Variants in RPH3AL observed in about 807,000 individuals in gnomAD.
The protein encoded by RPH3AL is rab effector Noc2.
RPH3AL carries 38 observed loss-of-function variants against 43.1 expected under a neutral mutation model. The observed-to-expected ratio is 0.88, with a 90% CI of 0.68 to 1.15. The LOEUF (loss-of-function observed/expected upper bound fraction) is 1.15. Among genes scored for constraint, RPH3AL ranks in the 50% most tolerant of loss-of-function variants. The pLI is 0.00. For missense variants in RPH3AL, 462 were observed against 423.2 expected, an observed-to-expected ratio of 1.09 and a Z score of -0.81; for synonymous variants, 189 against 176.3, an observed-to-expected ratio of 1.07 and a Z score of -0.57.
chr17:232,936 CCTGGGA>C (rs142423464), intron 7 of RPH3AL, among the ~76,000 whole-genome samples: 1,971 of 149,156 alleles, frequency 0.013, 32 homozygotes, highest in Middle Eastern at 0.039. Flanking sequence ...CTTCCAGCTC[CCTGGGA>C]CTACAGAATC....
chr17:338,313 T>C (rs1357662530), intron 1 of RPH3AL, among the ~76,000 whole-genome samples: 1 of 151,738 alleles, frequency 6.6e-6, no homozygotes, highest in Non-Finnish European at 1.5e-5. Context: ...AATTTAAAAC[T>C]TAGCTGGGCA....
rs1408127784 is a variant in RPH3AL, at chr17:323,986, C to T, written c.78-2571G>A. On this transcript the variant is annotated intron_variant, in intron 3 of 9. Coordinates refer to ENST00000331302, the MANE Select transcript of RPH3AL (RefSeq NM_006987.4). This position sits in a 1 kb window ranked among gnomAD's most constrained non-coding sequence, Gnocchi z 4.4. The stretch of plus-strand genomic sequence containing the variant: ...CCTCACAGTCATCCCACAAGGCAGG[C>T]CTAGACCCTCAGTCACCCTGCAAGG... Among the ~76,000 whole-genome samples the T allele has an allele frequency of 6.6e-6, 1 of 151,068 alleles. No individual in the cohort carries two copies. Among genetic ancestry groups the T allele is most frequent in the Non-Finnish European group, 1.5e-5 (1 of 67,744 alleles).
At chr17:291,773 A>C (rs1181459657) in intron 5 of RPH3AL, among the ~76,000 whole-genome samples, 1 of 152,182 alleles carries the variant, frequency 6.6e-6, no homozygotes, top group Non-Finnish European at 1.5e-5. Context: ...GGCAATATTC[A>C]CCATAAGCTG....
intron 5 of RPH3AL, among the ~76,000 whole-genome samples, chr17:300,262 CCCG>C (rs2043294920): frequency 1.1e-5 from 1 of 93,612 alleles, no homozygotes; most frequent in Admixed American, 1.0e-4. Context: ...GAATCTCTTA[CCCG>C]CTCTAGCAGG....
chr17:299,409 G>A (rs2043265458), intron 5 of RPH3AL, among the ~76,000 whole-genome samples: 1 of 152,168 alleles, frequency 6.6e-6, no homozygotes, highest in Admixed American at 6.5e-5. Flanking sequence ...GAAGGAGAGG[G>A]CTAAAGGGGC....
chr17:226,837 C>T lies in RPH3AL; in HGVS notation c.614-7101G>A, dbSNP rs116929357. On this transcript the variant is annotated intron_variant, in intron 7 of 9. Coordinates refer to ENST00000331302, the MANE Select transcript of RPH3AL (RefSeq NM_006987.4). The stretch of plus-strand genomic sequence containing the variant: ...AGATTTCAGACTCATACATCTGGCC[C>T]TTGCTCTTCCATCCTCAACATAACA... 1.5e-3 allele frequency among the ~76,000 whole-genome samples: 222 copies of T among 152,374 alleles called. 1 individual carries two copies. Among genetic ancestry groups the T allele is most frequent in the Non-Finnish European group, 1.7e-3 (117 of 68,034 alleles).
At chr17:316,609 A>C (rs1440819297) in intron 5 of RPH3AL, among the ~76,000 whole-genome samples, 1 of 101,008 alleles carries the variant, frequency 9.9e-6, no homozygotes, top group African/African-American at 4.5e-5. Context: ...CTCCACTTCC[A>C]TTGACTTGTA....
At chr17:325,347 T>C (rs1344075235) in intron 3 of RPH3AL, among the ~76,000 whole-genome samples, 1 of 152,164 alleles carries the variant, frequency 6.6e-6, no homozygotes, top group Non-Finnish European at 1.5e-5. Context: ...CATGAGTCTC[T>C]GGAGGACCAG....
At chr17:315,645 G>T in intron 5 of RPH3AL, among the ~76,000 whole-genome samples, 1 of 150,308 alleles carries the variant, frequency 6.7e-6, no homozygotes, top group African/African-American at 2.5e-5. Flanking sequence ...CTGACCTGTA[G>T]TCCCTGTGCT....
intron 8 of RPH3AL, among the ~76,000 whole-genome samples, chr17:218,210 A>G (rs11656394): frequency 2.7e-5 from 3 of 112,108 alleles, no homozygotes; most frequent in African/African-American, 3.3e-5. Flanking sequence ...AATTGGCCTC[A>G]CTGAAATCAG....
rs369306010 is a variant in RPH3AL at position 326,992 on chromosome 17, T to A, written c.77+475A>T. ...CTTCAGCCTCAGGGGCAGCGCCTCGTCCACTGCAACAGACTTTTGTTCCCC... is the reference window on the plus strand; with the variant it reads ...CTTCAGCCTCAGGGGCAGCGCCTCGACCACTGCAACAGACTTTTGTTCCCC... On this transcript the variant is annotated intron_variant, in intron 3 of 9. Coordinates refer to ENST00000331302, the MANE Select transcript of RPH3AL (RefSeq NM_006987.4). Among the ~76,000 whole-genome samples, 7 of 152,324 alleles carry A rather than the reference T, an allele frequency of 4.6e-5. 2 individuals carry two copies. Among genetic ancestry groups the A allele is most frequent in the East Asian group, 3.9e-4 (2 of 5,174 alleles).
At chr17:249,676 C>CAAA (rs35942725) in intron 6 of RPH3AL, among the ~76,000 whole-genome samples, 4 of 90,484 alleles carry the variant, frequency 4.4e-5, no homozygotes, top group African/African-American at 1.3e-4. Flanking sequence ...AGAGTCAAGC[C>CAAA]AAAAAAAAAA....
At chr17:324,706 T>TCTATCTATCTATCTA (rs1567524409) in intron 3 of RPH3AL, among the ~76,000 whole-genome samples, 4 of 75,560 alleles carry the variant, frequency 5.3e-5, no homozygotes, top group Admixed American at 1.1e-4. Context: ...TAGCTAGCTA[T>TCTATCTATCTATCTA]GTACCTATCT....
chr17:214,492 G>A (rs754994507), intron 9 of RPH3AL, among the ~76,000 whole-genome samples: 1 of 152,222 alleles, frequency 6.6e-6, no homozygotes, highest in Admixed American at 6.5e-5. Context: ...TCAATTGGGC[G>A]CAGTGGCTCT....
At chr17:315,476 A>C (rs1312235478) in intron 5 of RPH3AL, among the ~76,000 whole-genome samples, 150 of 132,028 alleles carry the variant, frequency 1.1e-3, no homozygotes, top group Middle Eastern at 8.6e-3. Context: ...CTGTGCTCCC[A>C]CCTCCATTGA....
intron 5 of RPH3AL, among the ~76,000 whole-genome samples, chr17:282,452 G>A (rs930323563): frequency 2.3e-4 from 35 of 152,196 alleles, no homozygotes; most frequent in African/African-American, 7.0e-4. Context: ...GATTCCGGTC[G>A]GACTCCAGAG....
At position 316,291 on chromosome 17, in the gene RPH3AL, C is replaced by G. The variant is rs1325145637; in HGVS notation, c.351+3129G>C. On this transcript the variant is annotated intron_variant, in intron 5 of 9. Coordinates refer to ENST00000331302, the MANE Select transcript of RPH3AL (RefSeq NM_006987.4). ...CTCCATCTCCAGTGATGCGTAGTCT[C>G]TGTGCTCCACCTCCATTGACCTGTA... Among the ~76,000 whole-genome samples the G allele has an allele frequency of 1.6e-5, 2 of 122,262 alleles. 1 individual carries two copies. The highest frequency in any genetic ancestry group is 3.4e-5 in the Non-Finnish European group (2 of 59,074). The allele number at this position is 122,262 out of a possible 152,430, so 80.2% of individuals were successfully genotyped here.
chr17:306,024 A>ATT (rs71143496), intron 5 of RPH3AL, among the ~76,000 whole-genome samples: 1,834 of 139,520 alleles, frequency 0.013, 40 homozygotes, highest in African/African-American at 0.04. Flanking sequence ...ATGCCCAGCT[A>ATT]TTTTTTTTTT....
At chr17:227,948 G>A (rs528117058) in intron 7 of RPH3AL, among the ~76,000 whole-genome samples, 78 of 152,266 alleles carry the variant, frequency 5.1e-4, no homozygotes, top group Middle Eastern at 6.8e-3. Context: ...CCAATTAGCC[G>A]TCTCCAGCCC....
Sources: allele counts gnomAD v4.1 joint callset (sites outside exome capture counted in the v4.1 genomes callset), GRCh38; gene constraint gnomAD v4.1.1; non-coding constraint Gnocchi (gnomAD v3.1); transcripts MANE v1.5; gene names NCBI Gene and HGNC (gene_info 2026-07-23, HGNC 2026-07-21).